Variants in RBM6 observed in about 807,000 individuals in gnomAD.
RBM6 encodes the protein RNA binding motif protein 6.
Under a neutral mutation model 140.4 loss-of-function variants are expected in RBM6, and 23 were observed. The observed-to-expected ratio is 0.16, with a 90% CI of 0.12 to 0.23. RBM6 has a LOEUF of 0.23. Among genes scored for constraint, RBM6 ranks in the 10% least tolerant of loss-of-function variants. The probability of loss-of-function intolerance (pLI) is 1.00; values close to 1 mark genes in which losing one functional copy is unlikely to be tolerated. For synonymous variants in RBM6, 439 were observed against 475.6 expected (o/e 0.92, Z 1.00); for missense variants, 1,139 against 1,386.7 (o/e 0.82, Z 2.84).
In RBM6 at chr3:49,966,465, G is replaced by A. The variant is rs148107625; in HGVS notation, c.45-1005G>A. Among the ~76,000 whole-genome samples, 500 of 152,276 alleles carry A rather than the reference G, an allele frequency of 3.3e-3. 4 individuals carry two copies. The highest frequency in any genetic ancestry group is 0.012 in the African/African-American group (489 of 41,558). On this transcript the variant is annotated intron_variant, in intron 2 of 20. Transcript: ENST00000266022. ...CCAAAACATGTAAAATGCCCTGAAG[G>A]TTAGGCAAAGGGAAGAAGTTGGGTA...
At chr3:49,997,829 G>A (rs1485946890) in intron 5 of RBM6, among the ~76,000 whole-genome samples, 5 of 152,186 alleles carry the variant, frequency 3.3e-5, no homozygotes, top group Non-Finnish European at 5.9e-5. Flanking sequence ...CACTTGAAAG[G>A]AATTAACTAA....
At chr3:49,973,336 C>T (rs2084891221) in intron 4 of RBM6, among the ~76,000 whole-genome samples, 1 of 152,008 alleles carries the variant, frequency 6.6e-6, no homozygotes, top group African/African-American at 2.4e-5. Context: ...GAGGAAGAGG[C>T]ATTCGAGCCC....
At chr3:50,033,422 T>G (rs1227942001) in intron 6 of RBM6, among the ~76,000 whole-genome samples, 2 of 152,080 alleles carry the variant, frequency 1.3e-5, no homozygotes, top group Non-Finnish European at 2.9e-5. Context: ...ACTACTAAAT[T>G]TATAATTAAA....
intron 1 of RBM6, among the ~76,000 whole-genome samples, chr3:49,959,294 T>G (rs554993137): frequency 6.7e-6 from 1 of 148,740 alleles, no homozygotes; most frequent in Non-Finnish European, 1.5e-5. Flanking sequence ...GTTCACACCA[T>G]TCTCCTGCCT....
intron 19 of RBM6, among the ~76,000 whole-genome samples, chr3:50,071,003 T>C (rs1018376457): frequency 1.3e-5 from 2 of 152,214 alleles, no homozygotes; most frequent in South Asian, 2.1e-4. Flanking sequence ...CAGAGTTATA[T>C]AGAATTTGTT....
At chr3:50,017,675 T>C (rs1276101365) in intron 6 of RBM6, among the ~76,000 whole-genome samples, 1 of 152,212 alleles carries the variant, frequency 6.6e-6, no homozygotes, top group Non-Finnish European at 1.5e-5. Context: ...TTTTGGATAT[T>C]AGCCCTTTAT....
chr3:50,001,690 A>G lies in RBM6; in HGVS notation c.1557+2177A>G, dbSNP rs149873741. 5.6e-3 allele frequency among the ~76,000 whole-genome samples: 850 copies of G among 152,286 alleles called. 11 individuals carry two copies. Among genetic ancestry groups the G allele is most frequent in the African/African-American group, 0.019 (778 of 41,546 alleles). ...CTAACCATGTGTCAGAAACTGCTACATGCCAATTTTGGAGAGAAGAAAAAA... is the reference window on the plus strand; with the variant it reads ...CTAACCATGTGTCAGAAACTGCTACGTGCCAATTTTGGAGAGAAGAAAAAA... On this transcript the variant is annotated intron_variant, in intron 6 of 20. Coordinates refer to ENST00000266022, the MANE Select transcript of RBM6 (RefSeq NM_005777.3).
rs768213882 is a variant in RBM6 at position 49,967,611 on chromosome 3, G to T, written c.186G>T (p.Gly62=). 1 of 1,614,128 alleles carries T rather than the reference G, an allele frequency of 6.2e-7. No individual in the cohort carries two copies. The highest frequency in any genetic ancestry group is 8.5e-7 in the Non-Finnish European group (1 of 1,180,032). ...CCTTTGATTTCCAGGGGCATTCGGG[G>T]CCTCCTTTTGCAAATGTAGAGGAGC... ...SLPFDFQGHS[G]PPFANVEEHS... Residue 62 remains glycine (G), a synonymous_variant, in exon 3 of 21, where the codon GGG becomes GGT. Coordinates refer to ENST00000266022, the MANE Select transcript of RBM6 (RefSeq NM_005777.3). The surrounding 1 kb of genome is among the most constrained non-coding windows in gnomAD (Gnocchi z 4.0).
chr3:50,024,549 T>A lies in RBM6; in HGVS notation c.1558-23696T>A, dbSNP rs146264779. ...TATTCTTTTGCCTGACTTTTATACT[T>A]AGTATTGTTTTTGAAATTCATCTTG... On this transcript the variant is annotated intron_variant, in intron 6 of 20. Coordinates refer to ENST00000266022, the MANE Select transcript of RBM6 (RefSeq NM_005777.3). Among the ~76,000 whole-genome samples the A allele has an allele frequency of 4.3e-4, 65 of 152,270 alleles. No individual in the cohort carries two copies. In the East Asian group the frequency reaches 0.01, roughly 24 times the overall value.
At chr3:50,028,769 G>A (rs777387551) in intron 6 of RBM6, among the ~76,000 whole-genome samples, 1 of 152,190 alleles carries the variant, frequency 6.6e-6, no homozygotes, top group Non-Finnish European at 1.5e-5. Flanking sequence ...CATATGATGA[G>A]CTAAATAAAT....
At chr3:49,997,955 G>T (rs922532410) in intron 5 of RBM6, among the ~76,000 whole-genome samples, 5 of 152,154 alleles carry the variant, frequency 3.3e-5, no homozygotes, top group African/African-American at 1.2e-4. Flanking sequence ...GGAGGGGTTA[G>T]TTTTAATCCA....
At chr3:49,995,800 C>A (rs2086057168) in intron 5 of RBM6, among the ~76,000 whole-genome samples, 1 of 152,036 alleles carries the variant, frequency 6.6e-6, no homozygotes, top group Non-Finnish European at 1.5e-5. Flanking sequence ...CCATATGGTT[C>A]CTAGCAATTC....
At chr3:50,053,514 A>G (rs1249991539) in intron 7 of RBM6, among the ~76,000 whole-genome samples, 2 of 152,070 alleles carry the variant, frequency 1.3e-5, no homozygotes, top group Non-Finnish European at 2.9e-5. Context: ...CTGGGCAACA[A>G]GAGTGAAACT....
chr3:50,038,465 C>T (rs1240646700), intron 6 of RBM6, among the ~76,000 whole-genome samples: 1 of 152,098 alleles, frequency 6.6e-6, no homozygotes, highest in East Asian at 1.9e-4. Flanking sequence ...AATTTAGAGT[C>T]TACTTTTTCC....
intron 1 of RBM6, among the ~76,000 whole-genome samples, chr3:49,946,055 C>A (rs980565663): frequency 2.6e-4 from 40 of 152,090 alleles, no homozygotes; most frequent in African/African-American, 8.9e-4. Flanking sequence ...AGAGACCTCA[C>A]CTAAAACAAA....
intron 15 of RBM6, among the ~76,000 whole-genome samples, chr3:50,062,502 CA>C (rs750652866): frequency 3.6e-3 from 432 of 121,046 alleles, no homozygotes; most frequent in African/African-American, 5.6e-3. Context: ...GACTCTGTAT[CA>C]AAAAAAAAAA....
At chr3:50,005,232 C>G (rs1344650979) in intron 6 of RBM6, among the ~76,000 whole-genome samples, 1 of 152,074 alleles carries the variant, frequency 6.6e-6, no homozygotes, top group African/African-American at 2.4e-5. Flanking sequence ...TGTGATGGCT[C>G]ACACCTGTAA....
intron 6 of RBM6, among the ~76,000 whole-genome samples, chr3:50,021,898 G>T (rs187758532): frequency 2.6e-5 from 4 of 151,184 alleles, no homozygotes; most frequent in Admixed American, 2.6e-4. Flanking sequence ...TCTTTAGCTT[G>T]TGTGTTATTT....
intron 6 of RBM6, among the ~76,000 whole-genome samples, chr3:50,005,029 T>C (rs1372458890): frequency 6.6e-6 from 1 of 152,220 alleles, no homozygotes; most frequent in Non-Finnish European, 1.5e-5. Flanking sequence ...ATTGACTTTT[T>C]CTGGTGTGAG....
Sources: allele counts gnomAD v4.1 joint callset (sites outside exome capture counted in the v4.1 genomes callset), GRCh38; gene constraint gnomAD v4.1.1; non-coding constraint Gnocchi (gnomAD v3.1); transcripts MANE v1.5; gene names NCBI Gene and HGNC (gene_info 2026-07-23, HGNC 2026-07-21).